Variants in UTP15 observed in about 807,000 individuals in gnomAD.
UTP15 encodes UTP15 small subunit processome component, also known as U3 small nucleolar RNA-associated protein 15 homolog.
In UTP15, 5 loss-of-function variants were observed where a neutral mutation model predicts 59.1. The ratio of observed to expected loss-of-function variants is 0.08; its 90% CI spans 0.04 to 0.18. UTP15 has a LOEUF of 0.18. Among genes scored for constraint, UTP15 ranks in the 10% least tolerant of loss-of-function variants. UTP15 has a pLI of 1.00. For missense variants in UTP15, 494 were observed against 616.7 expected (o/e 0.80, Z 2.11); for synonymous variants, 211 against 212.2 (o/e 0.99, Z 0.05).
At chr5:73,567,961 TA>T (rs1396497986) in intron 2 of UTP15, among the ~76,000 whole-genome samples, 1 of 152,158 alleles carries the variant, frequency 6.6e-6, no homozygotes, top group African/African-American at 2.4e-5. Flanking sequence ...GTAGACATGA[TA>T]ACTTTTTTTT....
chr5:73,580,075 A>G lies in UTP15; in HGVS notation c.1538A>G (p.Asn513Ser), dbSNP rs1301378688. The G allele has an allele frequency of 1.2e-6, 2 of 1,613,544 alleles. No homozygotes were observed. Among genetic ancestry groups the G allele is most frequent in the East Asian group, 4.5e-5 (2 of 44,822 alleles). ...CACACATCTGATGGATTTCCAGAGA[A>G]TAAGAAGATAGAATCATAGTGTCTG... The part of the protein sequence containing the change: ...LEHTSDGFPE[N>S]KKIES The change falls in exon 13 of 13, where the codon AAT (asparagine) becomes AGT (serine). Residue 513 changes from asparagine to serine, a missense_variant. Asn to Ser is a conservative substitution (Grantham distance 46). Transcript: ENST00000296792.
rs1439259135 is a variant in UTP15, at chr5:73,580,030, A to C, written c.1493A>C (p.Glu498Ala). The change falls in exon 13 of 13, where the codon GAA becomes GCA. Residue 498 changes from glutamate to alanine, a missense_variant. Glu to Ala is a moderately radical substitution (Grantham distance 107). Coordinates refer to ENST00000296792, the MANE Select transcript of UTP15 (RefSeq NM_032175.4). ...DMLFATMRRK[E>A]GTSVLEHTSD... is the part of the protein sequence containing the mutation. ...CTTTTTGCCACCATGAGAAGGAAGG[A>C]AGGCACTTCTGTGTTGGAACACACA... is the stretch of plus-strand genomic sequence containing the variant. 6.2e-7 allele frequency: 1 copy of C among 1,613,926 alleles called. No individual in the cohort carries two copies. The highest frequency in any genetic ancestry group is 8.5e-7 in the Non-Finnish European group (1 of 1,179,856).
chr5:73,581,334 A>C lies in UTP15; in HGVS notation c.*1240A>C, dbSNP rs907640465. 1.3e-5 allele frequency: 2 copies of C among 152,206 alleles called. No individual in the cohort carries two copies. The highest frequency in any genetic ancestry group is 2.9e-5 in the Non-Finnish European group (2 of 68,054). 9.4% of individuals were successfully genotyped at this position (152,206 alleles called of 1,614,324 possible). A position where few individuals can be genotyped will look rare whatever the true frequency, so the allele number is the denominator to read the frequency against. On this transcript the variant is annotated 3_prime_UTR_variant, in exon 13 of 13. Transcript: ENST00000296792. ...CCGAAGTGCTTGGATTACAGGTGTG[A>C]GCCACTGTGTCCAGCCTGTAACTAT...
intron 5 of UTP15, among the ~76,000 whole-genome samples, 184 bp downstream of exon 5, chr5:73,569,859 G>T (rs1189597532): frequency 2.6e-5 from 4 of 152,010 alleles, no homozygotes; most frequent in Non-Finnish European, 5.9e-5. Context: ...TTCAGACAGG[G>T]TCTCACTCTG....
At chr5:73,578,565 CTTT>C in intron 9 of UTP15, 183 bp from the exon 10 acceptor site, 1 of 445,142 alleles carries the variant, frequency 2.2e-6, no homozygotes. Context: ...CAAGTTACTC[CTTT>C]TTTTTTTTCT....
intron 7 of UTP15, among the ~76,000 whole-genome samples, chr5:73,574,491 A>T (rs1215453422): frequency 6.8e-6 from 1 of 146,726 alleles, no homozygotes; most frequent in Non-Finnish European, 1.5e-5. Flanking sequence ...TTTATTATTA[A>T]TTTTTTTTTT....
rs967444527 is a variant in UTP15, at chr5:73,581,222, T to C, written c.*1128T>C. 5 of 152,112 alleles carry C rather than the reference T, an allele frequency of 3.3e-5. No individual in the cohort carries two copies. Among genetic ancestry groups the C allele is most frequent in the African/African-American group, 4.8e-5 (2 of 41,412 alleles). 9.4% of individuals were successfully genotyped at this position (152,112 alleles called of 1,614,324 possible). On this transcript the variant is annotated 3_prime_UTR_variant, in exon 13 of 13. Coordinates refer to ENST00000296792, the MANE Select transcript of UTP15 (RefSeq NM_032175.4). ...GGTGTGCCCCACCACGCCTGGCTAA[T>C]TTTTGTAGTTTTAGTAGAGACGGGG...
chr5:73,574,168 A>T (rs116427168), intron 7 of UTP15, among the ~76,000 whole-genome samples: 1,897 of 151,842 alleles, frequency 0.012, 38 homozygotes, highest in African/African-American at 0.042. Context: ...ACAAAAAATT[A>T]AAAAAATTAG....
Position 73,568,696 on chromosome 5 carries a change from T to A in UTP15, c.368+92T>A, listed in dbSNP as rs537817767. 2.4e-3 allele frequency: 2,968 copies of A among 1,241,760 alleles called. 13 individuals carry two copies. The highest frequency in any genetic ancestry group is 2.6e-3 in the Non-Finnish European group (2,326 of 904,660). 76.9% of individuals were successfully genotyped at this position (1,241,760 alleles called of 1,614,324 possible). A position where few individuals can be genotyped will look rare whatever the true frequency, so the allele number is the denominator to read the frequency against. On this transcript the variant is annotated intron_variant, in intron 4 of 12. Coordinates refer to ENST00000296792, the MANE Select transcript of UTP15 (RefSeq NM_032175.4). The stretch of plus-strand genomic sequence containing the variant: ...TTTGGTTAAAAAGATAGAGATCAGT[T>A]TTATGGAGATTATTTGCCTATAGGT...
chr5:73,570,401 T>C (rs1461778975), intron 5 of UTP15, among the ~76,000 whole-genome samples, 185 bp from the exon 6 acceptor site: 1 of 152,216 alleles, frequency 6.6e-6, no homozygotes, highest in Non-Finnish European at 1.5e-5. Context: ...TATAGTATTA[T>C]GTAGTGCTTC....
Position 73,580,373 on chromosome 5 carries a change from G to T in UTP15, c.*279G>T, listed in dbSNP as rs1390354561. 2 of 278,342 alleles carry T rather than the reference G, an allele frequency of 7.2e-6. No homozygotes were observed. Among genetic ancestry groups the T allele is most frequent in the Admixed American group, 1.0e-4 (2 of 19,382 alleles). The allele number at this position is 278,342 out of a possible 1,614,324, so 17.2% of individuals were successfully genotyped here. ...GGGATGGATATTAATTTTAATACAG[G>T]AGTGTTCTGTATCAACATTTGGGTT... is the stretch of plus-strand genomic sequence containing the variant. On this transcript the variant is annotated 3_prime_UTR_variant, in exon 13 of 13. Coordinates refer to ENST00000296792, the MANE Select transcript of UTP15 (RefSeq NM_032175.4).
chr5:73,580,034 C>T lies in UTP15; in HGVS notation c.1497C>T (p.Gly499=), dbSNP rs757669319. ...MLFATMRRKE[G]TSVLEHTSDG... is the part of the protein sequence containing the mutation. ...TTGCCACCATGAGAAGGAAGGAAGG[C>T]ACTTCTGTGTTGGAACACACATCTG... Residue 499 remains glycine, a synonymous_variant, in exon 13 of 13, where the codon GGC becomes GGT. Coordinates refer to ENST00000296792, the MANE Select transcript of UTP15 (RefSeq NM_032175.4). The T allele has an allele frequency of 6.2e-7, 1 of 1,613,844 alleles. No individual in the cohort carries two copies. Among genetic ancestry groups the T allele is most frequent in the African/African-American group, 1.3e-5 (1 of 75,018 alleles).
chr5:73,568,087 CT>C (rs979549075), intron 2 of UTP15, 147 bp from the exon 3 acceptor site: 7 of 585,312 alleles, frequency 1.2e-5, no homozygotes, highest in African/African-American at 1.9e-5. Context: ...AGATATGTAC[CT>C]TTTTTGCTTT....
At chr5:73,576,187 C>T (rs995479980) in intron 7 of UTP15, among the ~76,000 whole-genome samples, 3 of 151,954 alleles carry the variant, frequency 2.0e-5, no homozygotes, top group African/African-American at 7.2e-5. Flanking sequence ...TCACTGCAAC[C>T]TCTGCCTCCC....
intron 4 of UTP15, 148 bp downstream of exon 4, chr5:73,568,752 T>A: frequency 2.9e-6 from 2 of 695,770 alleles, no homozygotes; most frequent in Non-Finnish European, 4.4e-6. Flanking sequence ...TAAGAGTGCT[T>A]AACTTGGGTT....
rs867648467 is a variant in UTP15, at chr5:73,573,092, G to A, written c.809+468G>A. On this transcript the variant is annotated intron_variant, in intron 7 of 12. Transcript: ENST00000296792. ...ATTACAGGCGTGAGCCACCACACCC[G>A]GCCACCCATAGCTACTTATTTTCTC... Among the ~76,000 whole-genome samples, 7 of 151,892 alleles carry A rather than the reference G, an allele frequency of 4.6e-5. No individual in the cohort carries two copies. The East Asian group carries it at 5.8e-4, about 13-fold the overall frequency.
intron 8 of UTP15, 27 bp downstream of exon 8, chr5:73,577,063 CT>C: frequency 1.3e-6 from 2 of 1,508,458 alleles, no homozygotes; most frequent in Non-Finnish European, 1.8e-6. Flanking sequence ...ATTTTTAAGT[CT>C]GTCACTAACC....
chr5:73,573,465 C>G (rs1341991318), intron 7 of UTP15, among the ~76,000 whole-genome samples: 1 of 151,896 alleles, frequency 6.6e-6, no homozygotes, highest in African/African-American at 2.4e-5. Flanking sequence ...CCAGACTGGT[C>G]TCGAACTTCT....
rs768244566 is a variant in UTP15, at chr5:73,579,298, C to A, written c.1281-19C>A. ...TTTTAAGTTTACAAGTTTCACTAAACTGAATTTTTACTTTGTAGGAATCTT... is the reference window on the plus strand; with the variant it reads ...TTTTAAGTTTACAAGTTTCACTAAAATGAATTTTTACTTTGTAGGAATCTT... On this transcript the variant is annotated intron_variant, in intron 11 of 12. Transcript: ENST00000296792. The A allele has an allele frequency of 1.1e-5, 18 of 1,603,598 alleles. No individual in the cohort carries two copies. Among genetic ancestry groups the A allele is most frequent in the Non-Finnish European group, 1.4e-5 (16 of 1,176,076 alleles).
Sources: allele counts gnomAD v4.1 joint callset (sites outside exome capture counted in the v4.1 genomes callset), GRCh38; gene constraint gnomAD v4.1.1; transcripts MANE v1.5; gene names NCBI Gene and HGNC (gene_info 2026-07-23, HGNC 2026-07-21).